RNF13: variants seen among roughly 807,000 people sequenced by gnomAD.
RNF13 encodes ring finger protein 13.
A neutral mutation model predicts 37.7 loss-of-function variants in RNF13; 19 were observed. The ratio of observed to expected loss-of-function variants is 0.50; its 90% CI spans 0.35 to 0.74. The LOEUF is 0.74. RNF13 is among the 30% of genes least tolerant of loss of function. The pLI is 0.01. For synonymous variants in RNF13, 144 were observed against 157.8 expected, an observed-to-expected ratio of 0.91 and a Z score of 0.65; for missense variants, 375 against 453.0, an observed-to-expected ratio of 0.83 and a Z score of 1.56.
In RNF13 at chr3:149,852,547, A is replaced by G. The variant is rs753425324; in HGVS notation, c.146A>G (p.Asp49Gly). The change falls in exon 3 of 10, where the codon GAT becomes GGT. Residue 49 changes from aspartate (D) to glycine (G), a missense_variant. By Grantham distance (94) the Asp-to-Gly change is moderately conservative. Transcript: ENST00000392894. Reference sequence around the variant, plus strand: ...TTTGAAAATGCATCTCAGACATTTGATGACCTCCCTGCAAGATTTGGTTAT... The same window carrying G: ...TTTGAAAATGCATCTCAGACATTTGGTGACCTCCCTGCAAGATTTGGTTAT... ...YNFENASQTF[D>G]DLPARFGYRL... 2.6e-6 allele frequency: 4 copies of G among 1,564,004 alleles called. No homozygotes were observed. The highest frequency in any genetic ancestry group is 3.5e-6 in the Non-Finnish European group (4 of 1,151,930).
At chr3:149,856,444 CTTT>C (rs34185354) in intron 3 of RNF13, among the ~76,000 whole-genome samples, 10 of 135,184 alleles carry the variant, frequency 7.4e-5, no homozygotes, top group Non-Finnish European at 8.0e-5. Context: ...CTGAAAAATA[CTTT>C]TTTTTTTTTT....
rs1717445931 is a variant in RNF13 at position 149,915,785 on chromosome 3, A to G, written c.606+3702A>G. ...GATTCTACTTACACGAGGTACCTGG[A>G]GTAGCCAAATTCATAGAGACAGAAA... On this transcript the variant is annotated intron_variant, in intron 7 of 9. Transcript: ENST00000392894. Among the ~76,000 whole-genome samples, 3 of 152,330 alleles carry G rather than the reference A, an allele frequency of 2.0e-5. No homozygotes were observed. The South Asian group carries it at 6.2e-4, about 32-fold the overall frequency.
chr3:149,845,557 A>T (rs1722564742), intron 1 of RNF13, among the ~76,000 whole-genome samples: 1 of 152,228 alleles, frequency 6.6e-6, no homozygotes, highest in Non-Finnish European at 1.5e-5. Context: ...TTGGTACAAT[A>T]TACAATAGCA....
chr3:149,882,033 A>G (rs1360007427), intron 4 of RNF13, among the ~76,000 whole-genome samples: 2 of 151,974 alleles, frequency 1.3e-5, no homozygotes, highest in Non-Finnish European at 2.9e-5. Context: ...ACAGAGAAGG[A>G]TATACAGATG....
At chr3:149,824,275 A>G (rs1008867897) in intron 1 of RNF13, among the ~76,000 whole-genome samples, 4 of 152,248 alleles carry the variant, frequency 2.6e-5, no homozygotes, top group Non-Finnish European at 4.4e-5. Context: ...TGTCCATATC[A>G]TAATACTTGG....
chr3:149,869,249 C>CTG (rs1711707936), intron 3 of RNF13, among the ~76,000 whole-genome samples: 1 of 151,802 alleles, frequency 6.6e-6, no homozygotes, highest in Admixed American at 6.6e-5. Flanking sequence ...AATTTCTTTT[C>CTG]TGTGTTATCT....
At chr3:149,905,369 G>A (rs1016707102) in intron 6 of RNF13, among the ~76,000 whole-genome samples, 1 of 151,970 alleles carries the variant, frequency 6.6e-6, no homozygotes. Context: ...ATGCTTAAGC[G>A]CTACTTATAT....
chr3:149,870,219 G>C (rs1452311436), intron 3 of RNF13, among the ~76,000 whole-genome samples: 1 of 151,632 alleles, frequency 6.6e-6, no homozygotes, highest in African/African-American at 2.4e-5. Context: ...TGGGCAATCT[G>C]GTTCCACTTT....
chr3:149,889,911 G>A (rs966531940), intron 4 of RNF13, among the ~76,000 whole-genome samples: 5 of 152,050 alleles, frequency 3.3e-5, no homozygotes, highest in Non-Finnish European at 5.9e-5. Flanking sequence ...TCCTGACCTC[G>A]TGATCTGCCC....
intron 8 of RNF13, among the ~76,000 whole-genome samples, chr3:149,951,197 G>GT (rs1341953046): frequency 6.6e-6 from 1 of 152,108 alleles, no homozygotes; most frequent in East Asian, 1.9e-4. Flanking sequence ...ACCAGTACTG[G>GT]TTCTTATGGT....
chr3:149,882,727 A>G (rs1477030500), intron 4 of RNF13, among the ~76,000 whole-genome samples: 2 of 152,180 alleles, frequency 1.3e-5, no homozygotes, highest in Non-Finnish European at 2.9e-5. Context: ...TGAGACCATG[A>G]TGAAATTAGT....
intron 8 of RNF13, among the ~76,000 whole-genome samples, chr3:149,941,108 T>C (rs989971413): frequency 2.0e-5 from 3 of 152,220 alleles, no homozygotes; most frequent in Non-Finnish European, 4.4e-5. Context: ...AATAGACATT[T>C]GGATTGTTTC....
At chr3:149,891,663 A>G (rs1714709935) in intron 4 of RNF13, among the ~76,000 whole-genome samples, 1 of 152,234 alleles carries the variant, frequency 6.6e-6, no homozygotes, top group African/African-American at 2.4e-5. Flanking sequence ...AAAAAGGCAG[A>G]TTGCCAATAC....
chr3:149,874,446 A>G (rs1307829580), intron 4 of RNF13, among the ~76,000 whole-genome samples: 2 of 152,164 alleles, frequency 1.3e-5, no homozygotes, highest in Non-Finnish European at 2.9e-5. Context: ...AATGTTCCCT[A>G]TATGATAGGA....
At chr3:149,860,344 A>G (rs1438155479) in intron 3 of RNF13, among the ~76,000 whole-genome samples, 2 of 149,290 alleles carry the variant, frequency 1.3e-5, no homozygotes, top group Non-Finnish European at 3.0e-5. Context: ...ATACACACAT[A>G]TATACATATT....
chr3:149,877,249 T>C (rs1223604883), intron 4 of RNF13, among the ~76,000 whole-genome samples: 1 of 152,184 alleles, frequency 6.6e-6, no homozygotes, highest in Non-Finnish European at 1.5e-5. Context: ...TAAGGGCTTA[T>C]AATAAAATGT....
chr3:149,851,829 A>G (rs1723146947), intron 2 of RNF13, among the ~76,000 whole-genome samples: 1 of 152,192 alleles, frequency 6.6e-6, no homozygotes, highest in African/African-American at 2.4e-5. Context: ...CAGCAAACTC[A>G]TCTCACAATT....
chr3:149,887,233 A>G (rs1466922776), intron 4 of RNF13, among the ~76,000 whole-genome samples: 1 of 152,226 alleles, frequency 6.6e-6, no homozygotes, highest in African/African-American at 2.4e-5. Flanking sequence ...ACACAGTTCA[A>G]CAATGATAGT....
At chr3:149,933,361 T>G (rs1259206099) in intron 8 of RNF13, among the ~76,000 whole-genome samples, 2 of 151,772 alleles carry the variant, frequency 1.3e-5, no homozygotes, top group Non-Finnish European at 2.9e-5. Context: ...CCCACTTGTA[T>G]TCTTTTGAAT....
Sources: allele counts gnomAD v4.1 joint callset (sites outside exome capture counted in the v4.1 genomes callset), GRCh38; gene constraint gnomAD v4.1.1; transcripts MANE v1.5; gene names NCBI Gene and HGNC (gene_info 2026-07-23, HGNC 2026-07-21).